CACNA1D: variants seen among roughly 807,000 people sequenced by gnomAD.
CACNA1D encodes calcium voltage-gated channel subunit alpha1 D.
A neutral mutation model predicts 257.1 loss-of-function variants in CACNA1D; 55 were observed. The ratio of observed to expected loss-of-function variants is 0.21; its 90% CI spans 0.17 to 0.27. The LOEUF is 0.27. Ranked by LOEUF, CACNA1D falls within the 10% of genes least tolerant of loss-of-function variation. The pLI, the probability that CACNA1D is intolerant of heterozygous loss-of-function variation, is 1.00. For missense variants in CACNA1D, 1,876 were observed against 2,784.0 expected (o/e 0.67, Z 7.34); for synonymous variants, 980 against 1,014.9 (o/e 0.97, Z 0.65).
At chr3:53,798,308 CGTGTGTGT>C (rs10581353) in intron 40 of CACNA1D, among the ~76,000 whole-genome samples, 45 of 148,764 alleles carry the variant, frequency 3.0e-4, no homozygotes, top group South Asian at 2.1e-4. Flanking sequence ...TGTATGTGTG[CGTGTGTGT>C]GTGTGTGTGT....
intron 3 of CACNA1D, among the ~76,000 whole-genome samples, chr3:53,648,076 CT>C (rs955906204): frequency 9.2e-5 from 14 of 152,172 alleles, no homozygotes; most frequent in African/African-American, 3.4e-4. Flanking sequence ...GAAAAACAAG[CT>C]TTGTTTGGGA....
intron 46 of CACNA1D, 146 bp from the exon 47 acceptor site, chr3:53,809,832 G>A (rs1014802160): frequency 5.9e-5 from 45 of 756,826 alleles, no homozygotes; most frequent in South Asian, 4.4e-4. Flanking sequence ...TTCATTCAGC[G>A]TACTTCAGTG....
chr3:53,605,314 G>A (rs1246199930), intron 3 of CACNA1D, among the ~76,000 whole-genome samples: 1 of 152,142 alleles, frequency 6.6e-6, no homozygotes, highest in Non-Finnish European at 1.5e-5. Flanking sequence ...TCATTTTCTG[G>A]CCCCTCAAAG....
At chr3:53,804,909 G>C (rs1032497829) in intron 44 of CACNA1D, 74 bp from the exon 45 acceptor site, 3 of 1,364,532 alleles carry the variant, frequency 2.2e-6, no homozygotes, top group Non-Finnish European at 3.1e-6. Flanking sequence ...AGAGGAGTAT[G>C]GATGTCAGTC....
chr3:53,770,227 G>A (rs1353127343), intron 31 of CACNA1D, among the ~76,000 whole-genome samples, 197 bp from the exon 32 acceptor site: 3 of 152,230 alleles, frequency 2.0e-5, no homozygotes. Context: ...TGCATGTGCT[G>A]TGTGGACGCA....
chr3:53,775,616 A>G (rs2095392641), intron 34 of CACNA1D, among the ~76,000 whole-genome samples: 1 of 152,098 alleles, frequency 6.6e-6, no homozygotes, highest in Non-Finnish European at 1.5e-5. Flanking sequence ...TAGAGAAGAC[A>G]CAAAAACAAG....
chr3:53,644,918 A>C (rs1340148012), intron 3 of CACNA1D, among the ~76,000 whole-genome samples: 1 of 152,180 alleles, frequency 6.6e-6, no homozygotes, highest in East Asian at 1.9e-4. Context: ...CCATAGTGGC[A>C]GTACTAATTT....
At chr3:53,538,498 A>T (rs1383199333) in intron 3 of CACNA1D, among the ~76,000 whole-genome samples, 3 of 152,104 alleles carry the variant, frequency 2.0e-5, no homozygotes, top group Non-Finnish European at 4.4e-5. Flanking sequence ...ACCCTTTAAC[A>T]GTGACTGGTT....
At chr3:53,505,115 G>GTTTTTTTTTT (rs35938386) in intron 3 of CACNA1D, among the ~76,000 whole-genome samples, 71 of 97,594 alleles carry the variant, frequency 7.3e-4, no homozygotes, top group African/African-American at 1.3e-3. Context: ...TTGTTTATTT[G>GTTTTTTTTTT]TTTTTTTTTT....
At chr3:53,579,226 T>C (rs181194713) in intron 3 of CACNA1D, among the ~76,000 whole-genome samples, 117 of 152,312 alleles carry the variant, frequency 7.7e-4, no homozygotes, top group African/African-American at 2.7e-3. Context: ...ATTCAACGAA[T>C]GTGAAATAAC....
intron 30 of CACNA1D, among the ~76,000 whole-genome samples, chr3:53,768,556 C>T (rs2108991317): frequency 6.6e-6 from 1 of 152,288 alleles, no homozygotes; most frequent in South Asian, 2.1e-4. Context: ...TTGAGACGAA[C>T]TAATAGAAGA....
chr3:53,774,620 C>A lies in CACNA1D; in HGVS notation c.4144C>A (p.Gln1382Lys). 3 of 1,611,808 alleles carry A rather than the reference C, an allele frequency of 1.9e-6. No individual in the cohort carries two copies. The highest frequency in any genetic ancestry group is 2.5e-6 in the Non-Finnish European group (3 of 1,177,888). Reference sequence around the variant, plus strand: ...GAAAGTTGCCATGAGAGATAACAACCAGATCAATAGGAACAATAACTTCCA... The same window carrying A: ...GAAAGTTGCCATGAGAGATAACAACAAGATCAATAGGAACAATAACTTCCA... The part of the protein sequence containing the change: ...FGKVAMRDNN[Q>K]INRNNNFQTF... Residue 1382 changes from glutamine to lysine, a missense_variant, in exon 34 of 48, where the codon CAG (glutamine) becomes AAG (lysine). By Grantham distance (53) the Gln-to-Lys change is moderately conservative (BLOSUM62 1). This residue lies in a region of CACNA1D where 204 missense variants were observed against 309.4 expected (regional missense o/e 0.66). Transcript: ENST00000350061. This position sits in a 1 kb window ranked among gnomAD's most constrained non-coding sequence, Gnocchi z 4.3.
intron 40 of CACNA1D, 142 bp downstream of exon 40, chr3:53,787,094 G>T: frequency 1.2e-6 from 1 of 840,606 alleles, no homozygotes; most frequent in South Asian, 1.6e-5. Context: ...TCCCCCAAAT[G>T]TGGACTAGCC....
At position 53,665,713 on chromosome 3, in the gene CACNA1D, A is replaced by G. The variant is rs2094255044; in HGVS notation, c.820A>G (p.Ile274Val). ...IIKAMVPLLH[I>V]ALLVLFVIII... The stretch of plus-strand genomic sequence containing the variant: ...AAAAGCCATGGTTCCCCTCCTTCAC[A>G]TAGCCCTTTTGGTATTATTTGTAAT... Residue 274 changes from isoleucine (I) to valine (V), a missense_variant, in exon 6 of 48, where the codon ATA becomes GTA. Ile to Val is a conservative substitution (Grantham distance 29). Transcript: ENST00000350061. The G allele has an allele frequency of 3.7e-6, 6 of 1,608,988 alleles. No individual in the cohort carries two copies. Among genetic ancestry groups the G allele is most frequent in the Non-Finnish European group, 5.1e-6 (6 of 1,175,546 alleles).
chr3:53,598,269 AG>A (rs1196348780), intron 3 of CACNA1D, among the ~76,000 whole-genome samples: 1 of 152,056 alleles, frequency 6.6e-6, no homozygotes, highest in Non-Finnish European at 1.5e-5. Context: ...TCTATTGATG[AG>A]GGCTTAAAGA....
At chr3:53,809,948 TG>T (rs2095587590) in intron 46 of CACNA1D, 29 bp from the exon 47 acceptor site, 2 of 1,607,696 alleles carry the variant, frequency 1.2e-6, no homozygotes, top group Non-Finnish European at 1.7e-6. Context: ...TGAGAACCTC[TG>T]GTCTCCCAAC....
At chr3:53,743,148 G>A (rs776342031) in intron 22 of CACNA1D, 31 bp downstream of exon 22, 3 of 1,350,882 alleles carry the variant, frequency 2.2e-6, no homozygotes, top group African/African-American at 2.9e-5. Flanking sequence ...GCCCAGAATT[G>A]TTGGGCTGAA....
chr3:53,630,679 T>G (rs1397389168), intron 3 of CACNA1D, among the ~76,000 whole-genome samples: 1 of 152,178 alleles, frequency 6.6e-6, no homozygotes, highest in Non-Finnish European at 1.5e-5. Flanking sequence ...AGAATGCCAG[T>G]TCAAATGACA....
chr3:53,572,949 C>A (rs1011705934), intron 3 of CACNA1D, among the ~76,000 whole-genome samples: 86 of 152,358 alleles, frequency 5.6e-4, no homozygotes, highest in African/African-American at 2.0e-3. Context: ...TCTCCTGCAA[C>A]CCTGTCCATC....
Sources: allele counts gnomAD v4.1 joint callset (sites outside exome capture counted in the v4.1 genomes callset), GRCh38; gene constraint gnomAD v4.1.1; regional missense constraint gnomAD v4.1.1; non-coding constraint Gnocchi (gnomAD v3.1); transcripts MANE v1.5; gene names NCBI Gene and HGNC (gene_info 2026-07-23, HGNC 2026-07-21).